The following SND1 variants were observed in gnomAD, a reference collection of about 807,000 sequenced individuals.
SND1 encodes the protein staphylococcal nuclease and tudor domain containing 1.
In SND1, 38 loss-of-function variants were observed where a neutral mutation model predicts 121.7. That is an observed-to-expected ratio of 0.31 (90% CI 0.24 to 0.41). The LOEUF is 0.41. Ranked by LOEUF, SND1 falls within the 10% of genes least tolerant of loss-of-function variation. SND1 has a pLI of 1.00. For synonymous variants in SND1, 401 were observed against 447.4 expected, an observed-to-expected ratio of 0.90 and a Z score of 1.31; for missense variants, 868 against 1,184.6, an observed-to-expected ratio of 0.73 and a Z score of 3.92.
intron 12 of SND1, among the ~76,000 whole-genome samples, chr7:127,852,935 C>T (rs1163820536): frequency 6.6e-6 from 1 of 152,124 alleles, no homozygotes; most frequent in Non-Finnish European, 1.5e-5. Context: ...TATTTGTAAA[C>T]TTTCATCTGC....
chr7:127,786,688 GGCT>G (rs1164182503), intron 10 of SND1, among the ~76,000 whole-genome samples: 1 of 152,156 alleles, frequency 6.6e-6, no homozygotes, highest in Non-Finnish European at 1.5e-5. Flanking sequence ...CTGTCGCCCA[GGCT>G]GGAGTGCAGT....
At chr7:127,701,142 T>G (rs1796092730) in intron 4 of SND1, 21 bp from the exon 5 acceptor site, 2 of 1,612,490 alleles carry the variant, frequency 1.2e-6, no homozygotes, top group Non-Finnish European at 1.7e-6. Context: ...TAACCACTCT[T>G]GTTTATTTTT....
intron 16 of SND1, among the ~76,000 whole-genome samples, chr7:128,067,858 C>G (rs1364478646): frequency 2.0e-5 from 3 of 151,958 alleles, no homozygotes; most frequent in Admixed American, 1.3e-4. Flanking sequence ...TGTGAACGCT[C>G]TCCTTTGGGT....
intron 10 of SND1, among the ~76,000 whole-genome samples, chr7:127,746,150 C>T (rs908555456): frequency 1.4e-4 from 21 of 152,108 alleles, no homozygotes; most frequent in Admixed American, 3.9e-4. Context: ...TGTAGGGAAA[C>T]GGTAGGGAGT....
At chr7:127,664,577 A>G (rs1272623384) in intron 1 of SND1, among the ~76,000 whole-genome samples, 3 of 152,216 alleles carry the variant, frequency 2.0e-5, no homozygotes, top group Admixed American at 6.5e-5. Context: ...ATACTTTTAT[A>G]TAAATCTAGT....
At chr7:128,025,722 G>C (rs1380141942) in intron 16 of SND1, among the ~76,000 whole-genome samples, 2 of 152,156 alleles carry the variant, frequency 1.3e-5, no homozygotes, top group Non-Finnish European at 2.9e-5. Context: ...GAAACTGCAT[G>C]GATCAAAGGG....
intron 10 of SND1, among the ~76,000 whole-genome samples, chr7:127,782,001 C>T (rs1272785572): frequency 6.6e-6 from 1 of 152,198 alleles, no homozygotes; most frequent in Admixed American, 6.5e-5. Context: ...TACAATTAAT[C>T]TGAGTGGTGA....
intron 15 of SND1, among the ~76,000 whole-genome samples, chr7:127,932,323 T>C (rs970652035): frequency 2.6e-5 from 4 of 152,170 alleles, no homozygotes; most frequent in Non-Finnish European, 4.4e-5. Flanking sequence ...ATGATAGAAA[T>C]AGCAAAAGAA....
At chr7:128,065,598 C>T (rs1403621037) in intron 16 of SND1, among the ~76,000 whole-genome samples, 1 of 152,198 alleles carries the variant, frequency 6.6e-6, no homozygotes, top group Admixed American at 6.5e-5. Flanking sequence ...CGATTTTCCC[C>T]AAGAAAAGAG....
rs530311391 is a variant in SND1, at chr7:128,017,001, G to A, written c.1779+25945G>A. On this transcript the variant is annotated intron_variant, in intron 16 of 23. Coordinates refer to ENST00000354725, the MANE Select transcript of SND1 (RefSeq NM_014390.4). ...ACCTGAACTGACAATATTTGTCTTAGTCCTTAAAGTAACCATCAGATTCAC... is the reference window on the plus strand; with the variant it reads ...ACCTGAACTGACAATATTTGTCTTAATCCTTAAAGTAACCATCAGATTCAC... 2.6e-5 allele frequency among the ~76,000 whole-genome samples: 4 copies of A among 152,340 alleles called. No individual in the cohort carries two copies. In the South Asian group the frequency reaches 6.2e-4, roughly 24 times the overall value.
chr7:127,653,452 A>C (rs929648876), intron 1 of SND1, among the ~76,000 whole-genome samples: 1 of 152,168 alleles, frequency 6.6e-6, no homozygotes, highest in Non-Finnish European at 1.5e-5. Flanking sequence ...TGCAACAGCA[A>C]ATATCTTTTG....
At chr7:127,700,820 A>C (rs1796087922) in intron 4 of SND1, among the ~76,000 whole-genome samples, 1 of 152,168 alleles carries the variant, frequency 6.6e-6, no homozygotes, top group Non-Finnish European at 1.5e-5. Context: ...CCAGTTCCTG[A>C]ATCCGGGATG....
intron 10 of SND1, among the ~76,000 whole-genome samples, chr7:127,805,868 G>T (rs1798229085): frequency 6.6e-6 from 1 of 152,100 alleles, no homozygotes; most frequent in Non-Finnish European, 1.5e-5. Context: ...TCTAGGGTAG[G>T]GGTTAGTCCT....
At chr7:127,730,532 C>T (rs921910892) in intron 10 of SND1, among the ~76,000 whole-genome samples, 6 of 152,220 alleles carry the variant, frequency 3.9e-5, no homozygotes, top group African/African-American at 1.2e-4. Context: ...GCAGAAATAT[C>T]CCCTTTATGT....
chr7:127,771,856 G>A (rs1288749569), intron 10 of SND1, among the ~76,000 whole-genome samples: 1 of 152,068 alleles, frequency 6.6e-6, no homozygotes, highest in East Asian at 1.9e-4. Context: ...GTCTATTTCT[G>A]TCTGCTTGGT....
In SND1 at chr7:127,993,768, G is replaced by A. The variant is rs141775114; in HGVS notation, c.1779+2712G>A. On this transcript the variant is annotated intron_variant, in intron 16 of 23. Transcript: ENST00000354725. The stretch of plus-strand genomic sequence containing the variant: ...TCTCTATCCCCTGCATGCCTTCCTC[G>A]GTTACCATAAATCTGCATTATCCTA... Among the ~76,000 whole-genome samples, 145 of 152,172 alleles carry A rather than the reference G, an allele frequency of 9.5e-4. 1 individual carries two copies. The highest frequency in any genetic ancestry group is 3.4e-3 in the Middle Eastern group (1 of 294).
At chr7:127,751,983 G>A (rs1461958246) in intron 10 of SND1, among the ~76,000 whole-genome samples, 6 of 152,226 alleles carry the variant, frequency 3.9e-5, no homozygotes, top group Non-Finnish European at 8.8e-5. Flanking sequence ...AGGCTGGCAC[G>A]CTTGCCTCTT....
In SND1 at chr7:128,029,304, A is replaced by G. The variant is rs756197644; in HGVS notation, c.1779+38248A>G. On this transcript the variant is annotated intron_variant, in intron 16 of 23. Coordinates refer to ENST00000354725, the MANE Select transcript of SND1 (RefSeq NM_014390.4). This position sits in a 1 kb window ranked among gnomAD's most constrained non-coding sequence, Gnocchi z 4.2. The stretch of plus-strand genomic sequence containing the variant: ...GAAGAAGCTGTAGTTGGAGGTGTTA[A>G]GCTCAGCCGTGCTCACATTGAGGTA... 5 of 1,614,132 alleles carry G rather than the reference A, an allele frequency of 3.1e-6. No individual in the cohort carries two copies. The highest frequency in any genetic ancestry group is 3.4e-6 in the Non-Finnish European group (4 of 1,180,022).
intron 14 of SND1, among the ~76,000 whole-genome samples, chr7:127,925,552 T>C (rs981078514): frequency 1.3e-5 from 2 of 152,134 alleles, no homozygotes; most frequent in South Asian, 2.1e-4. Context: ...GTAGTTGTTA[T>C]CTCTTTAAAT....
Sources: gnomAD v4.1 joint callset for allele counts (sites outside exome capture counted in the v4.1 genomes callset) on GRCh38, gnomAD v4.1.1 for gene constraint, Gnocchi (gnomAD v3.1) non-coding constraint, MANE v1.5 for transcripts, NCBI Gene and HGNC (gene_info 2026-07-23, HGNC 2026-07-21) for gene names.